Variants in XPR1 observed in about 807,000 individuals in gnomAD.
The protein encoded by XPR1 is xenotropic and polytropic retrovirus receptor 1, also known as solute carrier family 53 member 1.
In XPR1, 28 loss-of-function variants were observed where a neutral mutation model predicts 87.5. The observed-to-expected ratio is 0.32, with a 90% CI of 0.24 to 0.44. The LOEUF is 0.44. Among genes scored for constraint, XPR1 ranks in the 20% least tolerant of loss-of-function variants. XPR1 has a pLI of 1.00. For synonymous variants in XPR1, 300 were observed against 306.1 expected, an observed-to-expected ratio of 0.98 and a Z score of 0.21; for missense variants, 559 against 862.3, an observed-to-expected ratio of 0.65 and a Z score of 4.41.
chr1:180,750,618 G>A (rs1433086065), intron 2 of XPR1, among the ~76,000 whole-genome samples: 7 of 152,042 alleles, frequency 4.6e-5, no homozygotes, highest in Non-Finnish European at 8.8e-5. Flanking sequence ...TTATCTTTAT[G>A]CAGGTGCAAC....
At chr1:180,679,438 C>A (rs1656487060) in intron 1 of XPR1, among the ~76,000 whole-genome samples, 2 of 152,042 alleles carry the variant, frequency 1.3e-5, no homozygotes, top group Non-Finnish European at 1.5e-5. Flanking sequence ...GAGCAGCCCC[C>A]ACAGCAAAAA....
chr1:180,761,414 A>C (rs548065031), intron 2 of XPR1, among the ~76,000 whole-genome samples: 1 of 152,236 alleles, frequency 6.6e-6, no homozygotes, highest in Non-Finnish European at 1.5e-5. Flanking sequence ...GAACTCAAAC[A>C]AATTTACAAG....
At chr1:180,699,389 A>G (rs539791572) in intron 2 of XPR1, among the ~76,000 whole-genome samples, 5,273 of 104,514 alleles carry the variant, frequency 0.05, 215 homozygotes, top group Non-Finnish European at 0.072. Context: ...CACAGTCCCC[A>G]GAGTGTGATA....
rs562390138 is a variant in XPR1, at chr1:180,780,440, C to T, written c.122-7313C>T. 2.0e-5 allele frequency among the ~76,000 whole-genome samples: 3 copies of T among 152,214 alleles called. No individual in the cohort carries two copies. The South Asian group carries it at 6.2e-4, about 32-fold the overall frequency. ...GAAATATTTTCATGTACTTATTGGT[C>T]ATTTGTGTGTCTTCTTTGGAGAAAT... On this transcript the variant is annotated intron_variant, in intron 2 of 14. Transcript: ENST00000367590.
At chr1:180,799,648 G>A (rs72723032) in intron 3 of XPR1, among the ~76,000 whole-genome samples, 1,798 of 152,230 alleles carry the variant, frequency 0.012, 13 homozygotes, top group Middle Eastern at 0.024. Context: ...TTTTATTCCA[G>A]GGAGGACAAA....
At chr1:180,718,114 A>T (rs1279916501) in intron 2 of XPR1, among the ~76,000 whole-genome samples, 2 of 152,222 alleles carry the variant, frequency 1.3e-5, no homozygotes, top group African/African-American at 4.8e-5. Flanking sequence ...CAGCAAAAAA[A>T]GGTGGTAGTA....
chr1:180,733,419 G>A lies in XPR1; in HGVS notation c.121+51008G>A, dbSNP rs912169727. 4.5e-4 allele frequency among the ~76,000 whole-genome samples: 69 copies of A among 152,140 alleles called. 3 individuals carry two copies. Among genetic ancestry groups the A allele is most frequent in the Non-Finnish European group, 7.4e-5 (5 of 68,020 alleles). On this transcript the variant is annotated intron_variant, in intron 2 of 14. Transcript: ENST00000367590. ...TACAAGTTGACTATACATTTGCAGA[G>A]TTTCCTTGTTCATCCAACAAATACA...
intron 1 of XPR1, 96 bp downstream of exon 1, chr1:180,632,366 T>C: frequency 6.8e-7 from 1 of 1,466,104 alleles, no homozygotes; most frequent in Non-Finnish European, 9.3e-7. Flanking sequence ...TGGCTCCCTG[T>C]GCCCGGGCAG....
chr1:180,652,939 T>C (rs1162744525), intron 1 of XPR1, among the ~76,000 whole-genome samples: 3 of 152,210 alleles, frequency 2.0e-5, no homozygotes, highest in African/African-American at 7.2e-5. Context: ...GGGGCTGCAG[T>C]CATCTCAAGG....
intron 2 of XPR1, among the ~76,000 whole-genome samples, chr1:180,684,915 A>G (rs1326200203): frequency 1.3e-5 from 2 of 152,168 alleles, no homozygotes; most frequent in African/African-American, 4.8e-5. Flanking sequence ...TAGATATACA[A>G]TCATGTCATC....
chr1:180,723,140 A>C (rs898122806), intron 2 of XPR1, among the ~76,000 whole-genome samples: 1 of 152,180 alleles, frequency 6.6e-6, no homozygotes, highest in Non-Finnish European at 1.5e-5. Flanking sequence ...GCTTTGTTTG[A>C]TAGAAGTGTT....
At chr1:180,795,782 G>A (rs1649549365) in intron 3 of XPR1, among the ~76,000 whole-genome samples, 2 of 152,204 alleles carry the variant, frequency 1.3e-5, no homozygotes, top group Admixed American at 1.3e-4. Flanking sequence ...AAAGAGCCCT[G>A]AGATTCATTC....
At chr1:180,652,221 G>A (rs954809055) in intron 1 of XPR1, among the ~76,000 whole-genome samples, 1 of 152,144 alleles carries the variant, frequency 6.6e-6, no homozygotes, top group African/African-American at 2.4e-5. Flanking sequence ...TAACCTGGGA[G>A]GCGGAGGTTG....
intron 2 of XPR1, among the ~76,000 whole-genome samples, chr1:180,702,136 G>A (rs1304947399): frequency 2.6e-5 from 2 of 75,774 alleles, no homozygotes; most frequent in East Asian, 2.7e-4. Flanking sequence ...GGTATGTGGT[G>A]TCTTTGTTCT....
At chr1:180,658,471 G>T (rs934474282) in intron 1 of XPR1, among the ~76,000 whole-genome samples, 3 of 152,208 alleles carry the variant, frequency 2.0e-5, no homozygotes, top group African/African-American at 4.8e-5. Context: ...CTTCTATACC[G>T]AGTTTTTTGA....
At chr1:180,665,386 T>C (rs1655923494) in intron 1 of XPR1, among the ~76,000 whole-genome samples, 1 of 152,166 alleles carries the variant, frequency 6.6e-6, no homozygotes, top group South Asian at 2.1e-4. Flanking sequence ...CAAACCATAT[T>C]ACCTCCTGCT....
intron 2 of XPR1, among the ~76,000 whole-genome samples, chr1:180,774,372 T>C (rs932048293): frequency 1.3e-5 from 2 of 150,180 alleles, no homozygotes; most frequent in Non-Finnish European, 3.0e-5. Flanking sequence ...AAAAGAAATC[T>C]GTCTTTCCTA....
At chr1:180,731,515 C>G (rs1232609146) in intron 2 of XPR1, among the ~76,000 whole-genome samples, 2 of 152,050 alleles carry the variant, frequency 1.3e-5, no homozygotes. Context: ...TTTGAGAGAC[C>G]TGAAAGTCCT....
intron 2 of XPR1, among the ~76,000 whole-genome samples, chr1:180,732,665 T>A (rs1357695923): frequency 6.6e-6 from 1 of 152,158 alleles, no homozygotes; most frequent in African/African-American, 2.4e-5. Flanking sequence ...CCCATGGCAG[T>A]GTCTAGGGGT....
Sources: allele counts gnomAD v4.1 joint callset (sites outside exome capture counted in the v4.1 genomes callset), GRCh38; gene constraint gnomAD v4.1.1; transcripts MANE v1.5; gene names NCBI Gene and HGNC (gene_info 2026-07-23, HGNC 2026-07-21).